PRELID2: variants seen among roughly 807,000 people sequenced by gnomAD.
The protein encoded by PRELID2 is PRELI domain-containing protein 2.
PRELID2 carries 25 observed loss-of-function variants against 28.4 expected under a neutral mutation model. The observed-to-expected ratio is 0.88, with a 90% CI of 0.64 to 1.23. The LOEUF is 1.23. Ranked by LOEUF, PRELID2 falls within the 50% of genes most tolerant of loss-of-function variation. The pLI is 0.00. For missense variants in PRELID2, 201 were observed against 214.4 expected (o/e 0.94, Z 0.39); for synonymous variants, 76 against 71.6 (o/e 1.06, Z -0.31).
chr5:145,820,954 C>T (rs430811), intron 2 of PRELID2, among the ~76,000 whole-genome samples: 108,041 of 151,718 alleles, frequency 0.71, 39,460 homozygotes, highest in Non-Finnish European at 0.81. Flanking sequence ...GTTTTACGCA[C>T]GTTGGCATAT....
intron 1 of PRELID2, among the ~76,000 whole-genome samples, chr5:145,674,833 G>C (rs1199011492): frequency 2.0e-5 from 3 of 151,972 alleles, no homozygotes; most frequent in Non-Finnish European, 4.4e-5. Context: ...TGTAGTCCCA[G>C]CTGAAGCAGG....
intron 1 of PRELID2, among the ~76,000 whole-genome samples, chr5:145,498,116 G>A (rs1315239307): frequency 6.6e-6 from 1 of 152,090 alleles, no homozygotes; most frequent in South Asian, 2.1e-4. Context: ...TCTAGAGAGA[G>A]AAACTTTCTC....
At chr5:145,457,312 T>C in the PRELID2 span, among the ~76,000 whole-genome samples, 1 of 152,160 alleles carries the variant, frequency 6.6e-6, no homozygotes, top group Non-Finnish European at 1.5e-5. Context: ...TAAATAAAAG[T>C]ATGGAAGCAA....
At chr5:145,312,424 T>A in the PRELID2 span, among the ~76,000 whole-genome samples, 1 of 152,196 alleles carries the variant, frequency 6.6e-6, no homozygotes, top group Non-Finnish European at 1.5e-5. Flanking sequence ...GTAGTCACCA[T>A]GCTGTACAGT....
chr5:145,378,772 G>A, the PRELID2 span, among the ~76,000 whole-genome samples: 26 of 151,994 alleles, frequency 1.7e-4, no homozygotes, highest in Non-Finnish European at 3.5e-4. Flanking sequence ...TTCATATTTT[G>A]AATTCTATTT....
chr5:145,507,571 T>C (rs903014032), intron 1 of PRELID2, among the ~76,000 whole-genome samples: 2 of 152,164 alleles, frequency 1.3e-5, no homozygotes, highest in African/African-American at 4.8e-5. Context: ...ATCCACAGAT[T>C]GCCAGTCCCC....
At chr5:145,244,997 C>T in the PRELID2 span, among the ~76,000 whole-genome samples, 8 of 151,936 alleles carry the variant, frequency 5.3e-5, no homozygotes, top group East Asian at 1.4e-3. Context: ...CTTTTTGTTC[C>T]GGCACATTTT....
chr5:145,680,997 A>G (rs1754923721), intron 1 of PRELID2, among the ~76,000 whole-genome samples: 1 of 152,182 alleles, frequency 6.6e-6, no homozygotes, highest in Non-Finnish European at 1.5e-5. Context: ...CACCCTCACG[A>G]CCATGGCAAT....
intron 1 of PRELID2, among the ~76,000 whole-genome samples, chr5:145,482,916 G>A (rs1452335053): frequency 6.6e-6 from 1 of 152,008 alleles, no homozygotes; most frequent in Non-Finnish European, 1.5e-5. Context: ...TGATCTGACA[G>A]GAGGCAGAGC....
chr5:145,335,289 A>G, the PRELID2 span, among the ~76,000 whole-genome samples: 7 of 151,764 alleles, frequency 4.6e-5, no homozygotes, highest in Non-Finnish European at 1.0e-4. Context: ...TCGTTGCATT[A>G]TTCAGCTTCT....
At chr5:145,317,228 A>C in the PRELID2 span, among the ~76,000 whole-genome samples, 1 of 152,218 alleles carries the variant, frequency 6.6e-6, no homozygotes, top group East Asian at 1.9e-4. Context: ...TCAGTTCAGC[A>C]ACATTTACTA....
At chr5:145,336,376 AG>A in the PRELID2 span, among the ~76,000 whole-genome samples, 1 of 151,268 alleles carries the variant, frequency 6.6e-6, no homozygotes, top group South Asian at 2.1e-4. Context: ...GGTAATGCCT[AG>A]GTTTTCTTCT....
At chr5:145,811,191 T>C (rs539054690) in intron 4 of PRELID2, among the ~76,000 whole-genome samples, 7 of 143,434 alleles carry the variant, frequency 4.9e-5, no homozygotes, top group African/African-American at 1.8e-4. Flanking sequence ...AAGAACAGCA[T>C]GGGAAAGACC....
intron 1 of PRELID2, among the ~76,000 whole-genome samples, chr5:145,627,901 T>C (rs1753874085): frequency 6.6e-6 from 1 of 152,188 alleles, no homozygotes; most frequent in South Asian, 2.1e-4. Flanking sequence ...TACTGTTAAA[T>C]AGCTAGCTAA....
rs183157769 is a variant in PRELID2, at chr5:145,642,960, G to T, written n.70+121971C>A. 1.6e-3 allele frequency among the ~76,000 whole-genome samples: 246 copies of T among 152,276 alleles called. 1 individual carries two copies. Among genetic ancestry groups the T allele is most frequent in the Middle Eastern group, 6.8e-3 (2 of 294 alleles). On this transcript the variant is annotated intron_variant and non_coding_transcript_variant, in intron 1 of 2. Transcript: ENST00000510259. ...GAAGCAAGGTAGCATGATGCCTCCA[G>T]CTTTGTTCTTTTGGCTTAGGATTGT...
chr5:145,550,740 T>C (rs77015895), intron 1 of PRELID2, among the ~76,000 whole-genome samples: 1,602 of 152,326 alleles, frequency 0.011, 8 homozygotes, highest in African/African-American at 0.018. Context: ...TTAAATGGAA[T>C]GGCACAAGCT....
At chr5:145,675,709 A>T (rs908717162) in intron 1 of PRELID2, among the ~76,000 whole-genome samples, 5 of 152,210 alleles carry the variant, frequency 3.3e-5, no homozygotes, top group Non-Finnish European at 7.3e-5. Flanking sequence ...AGAAGTTGAG[A>T]GTGGTTTTAC....
At chr5:145,498,079 A>G (rs1241047157) in intron 1 of PRELID2, among the ~76,000 whole-genome samples, 3 of 152,198 alleles carry the variant, frequency 2.0e-5, no homozygotes, top group African/African-American at 7.2e-5. Context: ...AGTTTTAATC[A>G]GCTCTTCATA....
the PRELID2 span, among the ~76,000 whole-genome samples, chr5:145,331,777 T>C: frequency 6.6e-6 from 1 of 152,150 alleles, no homozygotes; most frequent in Non-Finnish European, 1.5e-5. Flanking sequence ...ACATTTAAGG[T>C]TAATATTGTT....
Sources: allele counts gnomAD v4.1 joint callset (sites outside exome capture counted in the v4.1 genomes callset), GRCh38; gene constraint gnomAD v4.1.1; transcripts MANE v1.5; gene names NCBI Gene and HGNC (gene_info 2026-07-23, HGNC 2026-07-21).